ZNF536: variants seen among roughly 807,000 people sequenced by gnomAD.
ZNF536 encodes the protein zinc finger protein 536.
ZNF536 carries 13 observed loss-of-function variants against 84.5 expected under a neutral mutation model. The ratio of observed to expected loss-of-function variants is 0.15; its 90% CI spans 0.10 to 0.24. The LOEUF is 0.24. Ranked by LOEUF, ZNF536 falls within the 10% of genes least tolerant of loss-of-function variation. ZNF536 has a pLI of 1.00. For missense variants in ZNF536, 1,536 were observed against 1,747.5 expected (o/e 0.88, Z 2.16); for synonymous variants, 811 against 742.5 (o/e 1.09, Z -1.50).
intron 4 of ZNF536, chr19:30,554,203 TC>T (rs1180402226): frequency 6.6e-6 from 1 of 151,464 alleles, no homozygotes; most frequent in Non-Finnish European, 1.5e-5. Context: ...ACTTATCTTT[TC>T]CCTAAGCCTT....
chr19:30,239,227 A>G (rs888743128), intron 1 of ZNF536, among the ~76,000 whole-genome samples: 2 of 152,214 alleles, frequency 1.3e-5, no homozygotes, highest in Non-Finnish European at 2.9e-5. Flanking sequence ...ATGACCCTCT[A>G]GCATTTATTG....
intron 1 of ZNF536, among the ~76,000 whole-genome samples, chr19:30,645,210 G>A (rs1474909145): frequency 6.6e-6 from 1 of 152,228 alleles, no homozygotes; most frequent in Middle Eastern, 3.4e-3. Context: ...CTTTTTGATG[G>A]GGTTGTTTGT....
rs114637131 is a variant in ZNF536 at position 30,493,535 on chromosome 19, A to G, written c.2171-41312A>G. ...ATAGACACATAGACCAAGAGAAAGA[A>G]GAAAAACAAATCCATAATTTGGAAC... On this transcript the variant is annotated intron_variant, in intron 2 of 4. Coordinates refer to ENST00000355537, the MANE Select transcript of ZNF536 (RefSeq NM_014717.3). Among the ~76,000 whole-genome samples the G allele has an allele frequency of 6.2e-3, 946 of 152,360 alleles. 7 individuals carry two copies. Among genetic ancestry groups the G allele is most frequent in the African/African-American group, 0.021 (890 of 41,584 alleles).
chr19:30,236,223 C>G (rs931186290), intron 1 of ZNF536, among the ~76,000 whole-genome samples: 22 of 152,238 alleles, frequency 1.4e-4, no homozygotes, highest in African/African-American at 5.3e-4. Flanking sequence ...CACTCTCTCA[C>G]TGAGTCCTGC....
rs941241715 is a variant in ZNF536, at chr19:30,520,620, G to A, written c.2171-14227G>A. On this transcript the variant is annotated intron_variant, in intron 2 of 4. Coordinates refer to ENST00000355537, the MANE Select transcript of ZNF536 (RefSeq NM_014717.3). ...ATGTCTACATGGAGTTCCTACTCAG[G>A]GCTCGGTGGTGCTTGGCATTAGGAA... Among the ~76,000 whole-genome samples, 7 of 152,092 alleles carry A rather than the reference G, an allele frequency of 4.6e-5. 1 individual carries two copies. Among genetic ancestry groups the A allele is most frequent in the Admixed American group, 3.9e-4 (6 of 15,282 alleles).
At chr19:30,440,913 A>C (rs2052011335) in intron 1 of ZNF536, among the ~76,000 whole-genome samples, 2 of 151,918 alleles carry the variant, frequency 1.3e-5, no homozygotes, top group South Asian at 4.2e-4. Context: ...ATAGATAGAT[A>C]GATAGATAGA....
chr19:30,657,138 T>G (rs753897019), intron 1 of ZNF536, among the ~76,000 whole-genome samples: 32 of 152,180 alleles, frequency 2.1e-4, no homozygotes, highest in Non-Finnish European at 1.5e-4. Context: ...CTTGACCACA[T>G]GTAGCCAGCT....
chr19:30,706,267 G>C lies in ZNF536; in HGVS notation c.170-4490G>C, dbSNP rs1212525238. On this transcript the variant is annotated intron_variant, in intron 1 of 1. Transcript: ENST00000592773. ...TGGGATGCTGAGGCGGGTGGATCAC[G>C]AGGTCAGGAGATTGAGACCATCCTG... is the stretch of plus-strand genomic sequence containing the variant. 2.6e-5 allele frequency among the ~76,000 whole-genome samples: 4 copies of C among 152,228 alleles called. No individual in the cohort carries two copies. In the South Asian group the frequency reaches 8.3e-4, roughly 32 times the overall value.
chr19:30,505,218 TATGAG>T lies in ZNF536; in HGVS notation c.2171-29626_2171-29622del, dbSNP rs1388990119. On this transcript the variant is annotated intron_variant, in intron 2 of 4. Coordinates refer to ENST00000355537, the MANE Select transcript of ZNF536 (RefSeq NM_014717.3). ...TTATTCTCTCTATATATTATATTAT[TATGAG>T]ATATGTTAATATTTAATATATTTAT... is the stretch of plus-strand genomic sequence containing the variant. 2.2e-5 allele frequency among the ~76,000 whole-genome samples: 3 copies of T among 137,606 alleles called. 1 individual carries two copies. Among genetic ancestry groups the T allele is most frequent in the East Asian group, 2.0e-4 (1 of 4,974 alleles). The allele number at this position is 137,606 out of a possible 152,430, so 90.3% of individuals were successfully genotyped here.
intron 2 of ZNF536, among the ~76,000 whole-genome samples, chr19:30,485,079 GC>G (rs2054248446): frequency 1.3e-5 from 2 of 152,208 alleles, no homozygotes; most frequent in Admixed American, 1.3e-4. Context: ...GGAAGGCAGA[GC>G]TTTCAGTGAG....
At chr19:30,546,959 G>A (rs564286178) in intron 3 of ZNF536, among the ~76,000 whole-genome samples, 9 of 151,978 alleles carry the variant, frequency 5.9e-5, no homozygotes, top group African/African-American at 1.4e-4. Flanking sequence ...TTTTTCCACC[G>A]TGGAAAGAAC....
chr19:30,424,911 G>A (rs888023549), intron 1 of ZNF536, among the ~76,000 whole-genome samples: 1 of 152,126 alleles, frequency 6.6e-6, no homozygotes, highest in Non-Finnish European at 1.5e-5. Context: ...GCCACCTTCT[G>A]CTTCCCACCC....
chr19:30,433,285 A>T (rs1258914807), intron 1 of ZNF536, among the ~76,000 whole-genome samples: 1 of 152,140 alleles, frequency 6.6e-6, no homozygotes, highest in Admixed American at 6.5e-5. Flanking sequence ...AGCTCTCTGC[A>T]ATTCAGCAGG....
intron 2 of ZNF536, among the ~76,000 whole-genome samples, chr19:30,338,100 T>A (rs1046292966): frequency 1.2e-4 from 18 of 151,320 alleles, no homozygotes; most frequent in Non-Finnish European, 1.9e-4. Flanking sequence ...GTGATCGTGA[T>A]GGTGATTGTG....
At chr19:30,415,284 C>CCTCCTTCTT (rs1555750650) in intron 1 of ZNF536, among the ~76,000 whole-genome samples, 4 of 120,068 alleles carry the variant, frequency 3.3e-5, no homozygotes, top group African/African-American at 1.3e-4. Flanking sequence ...TCCTCCTCCT[C>CCTCCTTCTT]CTTCTTCTTC....
chr19:30,333,272 C>T (rs2047275063), intron 2 of ZNF536, among the ~76,000 whole-genome samples: 1 of 152,236 alleles, frequency 6.6e-6, no homozygotes, highest in African/African-American at 2.4e-5. Flanking sequence ...TCTGTGGCCA[C>T]AGTCCCAGCT....
At chr19:30,576,814 C>A (rs1387677828) in intron 1 of ZNF536, among the ~76,000 whole-genome samples, 1 of 152,188 alleles carries the variant, frequency 6.6e-6, no homozygotes, top group African/African-American at 2.4e-5. Flanking sequence ...AGCCGTCTTC[C>A]AAGGGGAACA....
intron 1 of ZNF536, among the ~76,000 whole-genome samples, chr19:30,630,582 T>A (rs1338329156): frequency 6.6e-6 from 1 of 152,180 alleles, no homozygotes; most frequent in East Asian, 1.9e-4. Context: ...CCGCAGACCC[T>A]GCCAGCAGCT....
At chr19:30,467,896 T>C (rs1444857299) in intron 2 of ZNF536, among the ~76,000 whole-genome samples, 6 of 152,202 alleles carry the variant, frequency 3.9e-5, no homozygotes, top group Admixed American at 3.9e-4. Context: ...CTCCCTCTCC[T>C]AACCCTGCAA....
Sources: gnomAD v4.1 joint callset for allele counts (sites outside exome capture counted in the v4.1 genomes callset) on GRCh38, gnomAD v4.1.1 for gene constraint, MANE v1.5 for transcripts, NCBI Gene and HGNC (gene_info 2026-07-23, HGNC 2026-07-21) for gene names.